GATA6: variants seen among roughly 807,000 people sequenced by gnomAD.
The protein encoded by GATA6 is transcription factor GATA-6.
GATA6 carries 11 observed loss-of-function variants against 48.1 expected under a neutral mutation model. The observed-to-expected ratio is 0.23, with a 90% CI of 0.14 to 0.38. GATA6 has a LOEUF of 0.38. Ranked by LOEUF, GATA6 falls within the 10% of genes least tolerant of loss-of-function variation. The pLI, the probability that GATA6 is intolerant of heterozygous loss-of-function variation, is 1.00. For missense variants in GATA6, 795 were observed against 850.3 expected, an observed-to-expected ratio of 0.93 and a Z score of 0.81; for synonymous variants, 419 against 396.1, an observed-to-expected ratio of 1.06 and a Z score of -0.69.
At chr18:22,169,813 C>T (rs544795456) in intron 1 of GATA6, 131 bp downstream of exon 1, 87 of 152,526 alleles carry the variant, frequency 5.7e-4, no homozygotes, top group African/African-American at 1.9e-3. Context: ...TTCCCTCCTT[C>T]CCTCCGGGCG....
intron 6 of GATA6, among the ~76,000 whole-genome samples, chr18:22,190,851 CT>C (rs2033317315): frequency 6.6e-6 from 1 of 152,196 alleles, no homozygotes. Context: ...ATGTGCCAGG[CT>C]CCCTTTCTTT....
chr18:22,184,522 T>C (rs1412031556), intron 6 of GATA6, among the ~76,000 whole-genome samples: 1 of 151,924 alleles, frequency 6.6e-6, no homozygotes, highest in Non-Finnish European at 1.5e-5. Context: ...TGAGGCTGAG[T>C]CTTGCTGTCA....
chr18:22,199,212 C>T (rs2033426978), intron 6 of GATA6, among the ~76,000 whole-genome samples: 1 of 152,188 alleles, frequency 6.6e-6, no homozygotes, highest in Admixed American at 6.5e-5. Context: ...GCTCGGCACA[C>T]TTCCTTTCTG....
rs1254633924 is a variant in GATA6 at position 22,171,231 on chromosome 18, G to A, written c.87G>A (p.Ala29=). Residue 29 remains alanine (A), a synonymous_variant, in exon 2 of 7, where the codon GCG becomes GCA. Coordinates refer to ENST00000269216, the MANE Select transcript of GATA6 (RefSeq NM_005257.6). The surrounding 1 kb of genome is among the most constrained non-coding windows in gnomAD (Gnocchi z 7.1). ...ADASDSRAFP[A]REPSTPPSPI... ...CCAGCGACTCCAGAGCCTTTCCAGC[G>A]CGGGAGCCCTCCACGCCGCCTTCCC... 5 of 1,599,140 alleles carry A rather than the reference G, an allele frequency of 3.1e-6. No homozygotes were observed. Among genetic ancestry groups the A allele is most frequent in the Admixed American group, 1.7e-5 (1 of 59,924 alleles).
chr18:22,180,374 T>C (rs577516030), intron 3 of GATA6, among the ~76,000 whole-genome samples: 1 of 152,344 alleles, frequency 6.6e-6, no homozygotes, highest in African/African-American at 2.4e-5. Flanking sequence ...TGTAGTAATC[T>C]AGAGGTAATA....
chr18:22,200,781 C>T lies in GATA6; in HGVS notation c.1746C>T (p.Ser582=). The change falls in exon 7 of 7, where the codon TCC becomes TCT. Residue 582 remains serine (S), a synonymous_variant. Transcript: ENST00000269216. The stretch of plus-strand genomic sequence containing the variant: ...TCGCCTCGCCGGCCGAAGTCACGTC[C>T]TCCGTGCGACCGGATTCCTGGTGCG... ...VSLASPAEVT[S]SVRPDSWCAL... 6.2e-7 allele frequency: 1 copy of T among 1,613,436 alleles called. No homozygotes were observed. The highest frequency in any genetic ancestry group is 8.5e-7 in the Non-Finnish European group (1 of 1,180,010).
chr18:22,170,790 C>A lies in GATA6; in HGVS notation c.-37-318C>A. 3 of 391,922 alleles carry A rather than the reference C, an allele frequency of 7.7e-6. No individual in the cohort carries two copies. The highest frequency in any genetic ancestry group is 1.4e-5 in the Non-Finnish European group (3 of 214,162). The allele number at this position is 391,922 out of a possible 1,614,324, so 24.3% of individuals were successfully genotyped here. ...AGCTTCTGCAGATCACCCCTGGGAT[C>A]TGGCGCGCGCACGGAGAAAGGATGC... On this transcript the variant is annotated intron_variant, in intron 1 of 6. Transcript: ENST00000269216. The surrounding 1 kb of genome is among the most constrained non-coding windows in gnomAD (Gnocchi z 6.7).
At chr18:22,194,448 G>A (rs1373297260) in intron 6 of GATA6, among the ~76,000 whole-genome samples, 1 of 152,174 alleles carries the variant, frequency 6.6e-6, no homozygotes, top group East Asian at 1.9e-4. Flanking sequence ...GCTGCCTGCC[G>A]AAAGGAGGGA....
rs186188834 is a variant in GATA6, at chr18:22,187,598, T to G, written c.1620+4555T>G. ...CTGAATTGTATTTTATAGTTTTTTT[T>G]GGTTGTTATTTAGGAGAGAAACATG... On this transcript the variant is annotated intron_variant, in intron 6 of 6. Coordinates refer to ENST00000269216, the MANE Select transcript of GATA6 (RefSeq NM_005257.6). Among the ~76,000 whole-genome samples, 1,390 of 152,060 alleles carry G rather than the reference T, an allele frequency of 9.1e-3. 7 individuals carry two copies. Among genetic ancestry groups the G allele is most frequent in the East Asian group, 0.044 (230 of 5,182 alleles).
chr18:22,200,193 G>T (rs2033441107), intron 6 of GATA6, among the ~76,000 whole-genome samples: 1 of 151,994 alleles, frequency 6.6e-6, no homozygotes, highest in Admixed American at 6.5e-5. Context: ...GTGTGTGTGT[G>T]TGTGTGTGCG....
chr18:22,194,981 T>C (rs903107534), intron 6 of GATA6, among the ~76,000 whole-genome samples: 1 of 151,934 alleles, frequency 6.6e-6, no homozygotes, highest in Non-Finnish European at 1.5e-5. Context: ...GCCTGGCCAA[T>C]ATGGTGAAAC....
At chr18:22,199,879 G>A (rs1024284618) in intron 6 of GATA6, among the ~76,000 whole-genome samples, 28 of 146,556 alleles carry the variant, frequency 1.9e-4, no homozygotes, top group South Asian at 6.5e-4. Flanking sequence ...CTCCAGCCTG[G>A]GAGACAGTGA....
At chr18:22,174,844 C>T (rs1422822511) in intron 2 of GATA6, among the ~76,000 whole-genome samples, 1 of 152,040 alleles carries the variant, frequency 6.6e-6, no homozygotes, top group Non-Finnish European at 1.5e-5. Flanking sequence ...TGGAAACCCA[C>T]ACTATGCACC....
chr18:22,170,120 C>G lies in GATA6; in HGVS notation c.-38+438C>G, dbSNP rs1295337753. ...CCTCCCCCACTCGCTCCGAGTCTCC[C>G]TGTCATTCTTCCTGCTCTCCCATTT... is the stretch of plus-strand genomic sequence containing the variant. On this transcript the variant is annotated intron_variant, in intron 1 of 6. Transcript: ENST00000269216. The surrounding 1 kb of genome is among the most constrained non-coding windows in gnomAD (Gnocchi z 6.7). Among the ~76,000 whole-genome samples, 1 of 152,232 alleles carries G rather than the reference C, an allele frequency of 6.6e-6. No individual in the cohort carries two copies. The highest frequency in any genetic ancestry group is 1.5e-5 in the Non-Finnish European group (1 of 68,036).
At chr18:22,189,684 C>A (rs561608595) in intron 6 of GATA6, among the ~76,000 whole-genome samples, 25 of 152,148 alleles carry the variant, frequency 1.6e-4, no homozygotes, top group Non-Finnish European at 3.4e-4. Context: ...CTTGAATATG[C>A]CACAGAGCTT....
chr18:22,195,682 A>T (rs917131980), intron 6 of GATA6, among the ~76,000 whole-genome samples: 4 of 152,184 alleles, frequency 2.6e-5, no homozygotes, highest in African/African-American at 9.7e-5. Flanking sequence ...ACACATGTGC[A>T]TGGATAAATT....
rs1242484480 is a variant in GATA6, at chr18:22,177,949, TTTG to T, written c.1302+831_1302+833del. Among the ~76,000 whole-genome samples the T allele has an allele frequency of 3.9e-3, 476 of 120,714 alleles. 97 individuals are homozygous for T. Among genetic ancestry groups the T allele is most frequent in the African/African-American group, 0.024 (451 of 18,666 alleles). 79.2% of individuals were successfully genotyped at this position (120,714 alleles called of 152,430 possible). ...CAATTCGCACACGTTTTACTGTTTT[TTTG>T]TTTTTTTTTTTTTTTTTTTTTTTTT... On this transcript the variant is annotated intron_variant, in intron 3 of 6. Transcript: ENST00000269216.
chr18:22,192,374 T>A (rs1295181751), intron 6 of GATA6, among the ~76,000 whole-genome samples: 1 of 152,224 alleles, frequency 6.6e-6, no homozygotes, highest in African/African-American at 2.4e-5. Context: ...TTTATTTGCG[T>A]GGCATTTTTT....
rs387906814 is a variant in GATA6, at chr18:22,171,736, C to G, written c.592C>G (p.Leu198Val). 9.6e-5 allele frequency: 141 copies of G among 1,469,042 alleles called. No individual in the cohort carries two copies. In the African/African-American group the frequency reaches 2.0e-3, roughly 21 times the overall value. The allele number at this position is 1,469,042 out of a possible 1,614,324, so 91.0% of individuals were successfully genotyped here. The change falls in exon 2 of 7, where the codon CTG (leucine) becomes GTG (valine). Residue 198 changes from leucine to valine, a missense_variant. Physicochemically the swap from Leu to Val is conservative, Grantham distance 32. Around this residue, in one of 5 missense-constraint regions of GATA6, gnomAD observed 591 missense variants for 570.0 expected, o/e 1.04. Coordinates refer to ENST00000269216, the MANE Select transcript of GATA6 (RefSeq NM_005257.6). This position sits in a 1 kb window ranked among gnomAD's most constrained non-coding sequence, Gnocchi z 7.1. Reference sequence around the variant, plus strand: ...GCCCACCACCCGCGTGGGTTCCATGCTGCCCGGCCTACCGTACCACCTGCA... The same window carrying G: ...GCCCACCACCCGCGTGGGTTCCATGGTGCCCGGCCTACCGTACCACCTGCA... The part of the protein sequence containing the change: ...YVPTTRVGSM[L>V]PGLPYHLQGS...
Sources: allele counts gnomAD v4.1 joint callset (sites outside exome capture counted in the v4.1 genomes callset), GRCh38; gene constraint gnomAD v4.1.1; regional missense constraint gnomAD v4.1.1; non-coding constraint Gnocchi (gnomAD v3.1); transcripts MANE v1.5; gene names NCBI Gene and HGNC (gene_info 2026-07-23, HGNC 2026-07-21).